Variants in ZYG11B observed in about 807,000 individuals in gnomAD.
ZYG11B encodes zyg-11 family member B, cell cycle regulator.
In ZYG11B, 36 loss-of-function variants were observed where a neutral mutation model predicts 82.4. The ratio of observed to expected loss-of-function variants is 0.44; its 90% CI spans 0.33 to 0.58. The LOEUF (loss-of-function observed/expected upper bound fraction) is 0.58. ZYG11B is among the 20% of genes least tolerant of loss of function. The pLI is 0.02. For synonymous variants in ZYG11B, 303 were observed against 312.8 expected (o/e 0.97, Z 0.33); for missense variants, 552 against 895.6 (o/e 0.62, Z 4.90).
chr1:52,821,398 C>T, intron 13 of ZYG11B, 41 bp from the exon 14 acceptor site: 1 of 1,512,634 alleles, frequency 6.6e-7, no homozygotes, highest in Non-Finnish European at 8.9e-7. Context: ...TTAAGAAAAG[C>T]TATTTCTCCT....
rs1326914437 is a variant in ZYG11B, at chr1:52,771,085, A to G, written c.262A>G (p.Ile88Val). Residue 88 changes from isoleucine to valine, a missense_variant, in exon 3 of 14, where the codon ATT becomes GTT. Ile to Val is a conservative substitution (Grantham distance 29). Coordinates refer to ENST00000294353, the MANE Select transcript of ZYG11B (RefSeq NM_024646.3). This position sits in a 1 kb window ranked among gnomAD's most constrained non-coding sequence, Gnocchi z 5.4. ...GNQMRLKRAC[I>V]RKAKISAVAF... The stretch of plus-strand genomic sequence containing the variant: ...CCAGATGCGCTTAAAGCGAGCCTGC[A>G]TTCGCAAAGCAAAGATCTCTGCTGT... 2 of 1,614,224 alleles carry G rather than the reference A, an allele frequency of 1.2e-6. No homozygotes were observed. The highest frequency in any genetic ancestry group is 1.7e-6 in the Non-Finnish European group (2 of 1,180,030).
intron 12 of ZYG11B, 91 bp downstream of exon 12, chr1:52,814,003 C>A: frequency 8.4e-7 from 1 of 1,192,150 alleles, no homozygotes; most frequent in Non-Finnish European, 1.2e-6. Flanking sequence ...ATTTTTCCCT[C>A]AGGCACCTCA....
At chr1:52,804,255 A>T (rs1645122580) in intron 10 of ZYG11B, among the ~76,000 whole-genome samples, 1 of 152,094 alleles carries the variant, frequency 6.6e-6, no homozygotes, top group Non-Finnish European at 1.5e-5. Context: ...CTTAAAAAAA[A>T]AAGTCATTAA....
At chr1:52,743,262 G>C (rs1339236840) in intron 1 of ZYG11B, among the ~76,000 whole-genome samples, 1 of 151,702 alleles carries the variant, frequency 6.6e-6, no homozygotes, top group Admixed American at 6.6e-5. Context: ...CAAACACTGC[G>C]GAAGGCCGCA....
At chr1:52,743,607 T>A (rs1045136598) in intron 1 of ZYG11B, among the ~76,000 whole-genome samples, 4 of 151,984 alleles carry the variant, frequency 2.6e-5, no homozygotes, top group African/African-American at 9.7e-5. Context: ...CCACGTATTA[T>A]TCCAAAGGCT....
At chr1:52,731,449 A>G (rs950072369) in intron 1 of ZYG11B, among the ~76,000 whole-genome samples, 14 of 152,290 alleles carry the variant, frequency 9.2e-5, no homozygotes, top group African/African-American at 3.4e-4. Context: ...TTTATTATGT[A>G]GCACTTTTTC....
At chr1:52,751,372 G>T (rs1358999272) in intron 1 of ZYG11B, among the ~76,000 whole-genome samples, 1 of 145,188 alleles carries the variant, frequency 6.9e-6, no homozygotes, top group Non-Finnish European at 1.5e-5. Context: ...GCTCACACCT[G>T]TAATCCCAGC....
intron 10 of ZYG11B, among the ~76,000 whole-genome samples, chr1:52,809,816 G>A (rs1177515656): frequency 2.0e-5 from 3 of 151,882 alleles, no homozygotes; most frequent in African/African-American, 4.8e-5. Context: ...TGTCTTCTTC[G>A]GAGAAATATC....
At chr1:52,730,483 T>TA (rs1474427541) in intron 1 of ZYG11B, among the ~76,000 whole-genome samples, 1 of 152,112 alleles carries the variant, frequency 6.6e-6, no homozygotes, top group African/African-American at 2.4e-5. Flanking sequence ...TGTGCTCTAT[T>TA]ATGTGCAGCT....
chr1:52,796,791 C>T lies in ZYG11B; in HGVS notation c.1485+7C>T. ...TGAGCTCTTCATTGTCAGGGTAAGT[C>T]TATAATCTCCTCCATTCAGGCCACT... On this transcript the variant is annotated splice_region_variant and intron_variant, in intron 8 of 13. Coordinates refer to ENST00000294353, the MANE Select transcript of ZYG11B (RefSeq NM_024646.3). 1.3e-6 allele frequency: 2 copies of T among 1,531,882 alleles called. No individual in the cohort carries two copies. The highest frequency in any genetic ancestry group is 2.5e-5 in the East Asian group (1 of 39,760). The allele number at this position is 1,531,882 out of a possible 1,614,324, so 94.9% of individuals were successfully genotyped here. A position where few individuals can be genotyped will look rare whatever the true frequency, so the allele number is the denominator to read the frequency against.
chr1:52,766,697 G>C (rs1558126333), intron 2 of ZYG11B, among the ~76,000 whole-genome samples: 1 of 152,070 alleles, frequency 6.6e-6, no homozygotes, highest in Non-Finnish European at 1.5e-5. Flanking sequence ...TGCCAGATTG[G>C]GGTTAATGTT....
intron 1 of ZYG11B, among the ~76,000 whole-genome samples, chr1:52,735,976 A>G (rs1475981316): frequency 1.3e-5 from 2 of 152,162 alleles, no homozygotes; most frequent in Non-Finnish European, 2.9e-5. Context: ...TTAAAATGAT[A>G]CTCTGTTAAG....
Position 52,750,252 on chromosome 1 carries a change from T to C in ZYG11B, c.31-6206T>C, listed in dbSNP as rs57794255. Among the ~76,000 whole-genome samples the C allele has an allele frequency of 5.0e-3, 738 of 147,442 alleles. 12 individuals are homozygous for C. Among genetic ancestry groups the C allele is most frequent in the African/African-American group, 0.018 (700 of 39,646 alleles). On this transcript the variant is annotated intron_variant, in intron 1 of 13. Coordinates refer to ENST00000294353, the MANE Select transcript of ZYG11B (RefSeq NM_024646.3). ...TGCTGGGCTTGCAAGTGTGAGCCACTCTGCCTGGCCCCCAGCAACTATTTT... is the reference window on the plus strand; with the variant it reads ...TGCTGGGCTTGCAAGTGTGAGCCACCCTGCCTGGCCCCCAGCAACTATTTT...
chr1:52,782,833 C>T (rs1164987198), intron 4 of ZYG11B, among the ~76,000 whole-genome samples: 4 of 151,942 alleles, frequency 2.6e-5, no homozygotes, highest in African/African-American at 9.7e-5. Context: ...GTTGCCCAGG[C>T]TAGTCTCGAA....
At chr1:52,734,778 G>A (rs1397356463) in intron 1 of ZYG11B, among the ~76,000 whole-genome samples, 1 of 151,946 alleles carries the variant, frequency 6.6e-6, no homozygotes, top group South Asian at 2.1e-4. Context: ...GCCCAGGTTG[G>A]AGTGCAATGG....
At chr1:52,757,160 C>CT (rs1644585457) in intron 2 of ZYG11B, among the ~76,000 whole-genome samples, 1 of 151,874 alleles carries the variant, frequency 6.6e-6, no homozygotes, top group Admixed American at 6.6e-5. Flanking sequence ...GTAGCTGGGA[C>CT]TATAGCTTGG....
At chr1:52,783,882 A>ACATACACGTGTGCG (rs1553260823) in intron 4 of ZYG11B, among the ~76,000 whole-genome samples, 3 of 126,052 alleles carry the variant, frequency 2.4e-5, no homozygotes, top group African/African-American at 1.0e-4. Flanking sequence ...ACGTGTGTGT[A>ACATACACGTGTGCG]TATGTACATA....
At chr1:52,747,514 C>T (rs1211085596) in intron 1 of ZYG11B, among the ~76,000 whole-genome samples, 1 of 152,016 alleles carries the variant, frequency 6.6e-6, no homozygotes, top group Non-Finnish European at 1.5e-5. Flanking sequence ...GTATCTTGGC[C>T]CCACTTTCTA....
At chr1:52,798,428 A>G (rs762613215) in intron 8 of ZYG11B, among the ~76,000 whole-genome samples, 4 of 152,162 alleles carry the variant, frequency 2.6e-5, no homozygotes, top group Non-Finnish European at 5.9e-5. Flanking sequence ...AGCCTGAGCA[A>G]TATGAGACCC....
Sources: allele counts gnomAD v4.1 joint callset (sites outside exome capture counted in the v4.1 genomes callset), GRCh38; gene constraint gnomAD v4.1.1; non-coding constraint Gnocchi (gnomAD v3.1); transcripts MANE v1.5; gene names NCBI Gene and HGNC (gene_info 2026-07-23, HGNC 2026-07-21).